Variants in PRPF3 observed in about 807,000 individuals in gnomAD.
The protein encoded by PRPF3 is U4/U6 small nuclear ribonucleoprotein Prp3.
Under a neutral mutation model 89.2 loss-of-function variants are expected in PRPF3, and 3 were observed. The observed-to-expected ratio is 0.03, with a 90% confidence interval of 0.02 to 0.09. The LOEUF (loss-of-function observed/expected upper bound fraction) is 0.09. Ranked by LOEUF, PRPF3 falls within the 10% of genes least tolerant of loss-of-function variation. The probability of loss-of-function intolerance (pLI) is 1.00; values close to 1 mark genes in which losing one functional copy is unlikely to be tolerated. For missense variants in PRPF3, 463 were observed against 828.8 expected, an observed-to-expected ratio of 0.56 and a Z score of 5.42; for synonymous variants, 270 against 289.1, an observed-to-expected ratio of 0.93 and a Z score of 0.67.
At chr1:150,338,426 A>C in intron 8 of PRPF3, 100 bp downstream of exon 8, 1 of 1,165,876 alleles carries the variant, frequency 8.6e-7, no homozygotes, top group Non-Finnish European at 1.3e-6. Flanking sequence ...TTTAGTGGGA[A>C]GGATGGTACT....
chr1:150,344,087 T>G, intron 10 of PRPF3, 75 bp from the exon 11 acceptor site: 1 of 1,237,800 alleles, frequency 8.1e-7, no homozygotes, highest in Non-Finnish European at 1.2e-6. Flanking sequence ...TATGAATTGG[T>G]ATGGAAGAAA....
intron 15 of PRPF3, among the ~76,000 whole-genome samples, chr1:150,349,888 C>T (rs1347818118): frequency 0.018 from 198 of 11,276 alleles, 1 homozygote; most frequent in African/African-American, 0.081. Context: ...TTTTTGGGGG[C>T]GGGGGGGCGG....
intron 1 of PRPF3, 129 bp from the exon 2 acceptor site, chr1:150,324,766 C>T (rs1655515254): frequency 9.9e-6 from 6 of 606,348 alleles, no homozygotes; most frequent in South Asian, 5.6e-5. Flanking sequence ...AGACTGGTCT[C>T]GAACTCTTGA....
chr1:150,322,876 C>CTTTT (rs113626826), intron 1 of PRPF3, among the ~76,000 whole-genome samples: 1 of 146,434 alleles, frequency 6.8e-6, no homozygotes, highest in African/African-American at 2.5e-5. Flanking sequence ...ATTTAGACAC[C>CTTTT]TTTTTTTTTT....
intron 4 of PRPF3, chr1:150,330,478 C>T (rs372671182): frequency 6.6e-6 from 1 of 152,500 alleles, no homozygotes; most frequent in African/African-American, 2.4e-5. Context: ...GCCTCAGCCT[C>T]CTGAGTAGCT....
At chr1:150,343,600 T>C in intron 10 of PRPF3, 148 bp downstream of exon 10, 1 of 1,141,176 alleles carries the variant, frequency 8.8e-7, no homozygotes, top group Non-Finnish European at 1.3e-6. Context: ...TCTACCATCT[T>C]TTCATATTAA....
upstream of PRPF3, chr1:150,321,504 C>A (rs1275471718): frequency 3.9e-5 from 6 of 152,726 alleles, no homozygotes; most frequent in African/African-American, 1.4e-4. Context: ...GCGGCGGTGG[C>A]GGTAGCGACG....
In PRPF3 at chr1:150,324,880, C is replaced by CTTTTTTT. The variant is rs75011188; in HGVS notation, c.-48-9_-48-3dup. ...TCTTTTCTTATTCTCTAACTTGTCT[C>CTTTTTTT]TTTTTTTTTTTTAGGTGTAGTATTG... On this transcript the variant is annotated splice_polypyrimidine_tract_variant and intron_variant, in intron 1 of 15. Coordinates refer to ENST00000324862, the MANE Select transcript of PRPF3 (RefSeq NM_004698.4). The CTTTTTTT allele has an allele frequency of 1.9e-5, 25 of 1,343,504 alleles. No individual in the cohort carries two copies. The highest frequency in any genetic ancestry group is 8.7e-5 in the Admixed American group (4 of 45,792). 83.2% of individuals were successfully genotyped at this position (1,343,504 alleles called of 1,614,324 possible). A position where few individuals can be genotyped will look rare whatever the true frequency, so the allele number is the denominator to read the frequency against.
At chr1:150,348,829 G>T (rs112381910) in intron 14 of PRPF3, 1 of 338,948 alleles carries the variant, frequency 3.0e-6, no homozygotes, top group African/African-American at 2.1e-5. Flanking sequence ...AGTAATATAT[G>T]ATGTTGACAT....
rs587768904 is a variant in PRPF3, at chr1:150,323,164, C to T, written c.-49+1572C>T. Among the ~76,000 whole-genome samples, 5 of 127,086 alleles carry T rather than the reference C, an allele frequency of 3.9e-5. No homozygotes were observed. In the East Asian group the frequency reaches 7.3e-4, roughly 19 times the overall value. 83.4% of individuals were successfully genotyped at this position (127,086 alleles called of 152,430 possible). A position where few individuals can be genotyped will look rare whatever the true frequency, so the allele number is the denominator to read the frequency against. ...TGTTGGGATTACAGGCGTGAGCCAC[C>T]GCACCTGGCTTTTTTTTTTTTTTTT... On this transcript the variant is annotated intron_variant, in intron 1 of 15. Transcript: ENST00000324862.
At chr1:150,348,266 G>C (rs1313393766) in intron 14 of PRPF3, among the ~76,000 whole-genome samples, 2 of 151,928 alleles carry the variant, frequency 1.3e-5, no homozygotes, top group South Asian at 2.1e-4. Flanking sequence ...TGTAATCCCA[G>C]CTACTCGGGA....
At chr1:150,347,365 A>G (rs587707528) in intron 14 of PRPF3, among the ~76,000 whole-genome samples, 2 of 152,178 alleles carry the variant, frequency 1.3e-5, no homozygotes, top group South Asian at 2.1e-4. Context: ...ATACTCACAC[A>G]TATGCTCTTC....
intron 8 of PRPF3, 84 bp from the exon 9 acceptor site, chr1:150,340,314 G>GTT: frequency 1.9e-6 from 2 of 1,027,890 alleles, no homozygotes; most frequent in Non-Finnish European, 3.0e-6. Flanking sequence ...TAGAGAGTGG[G>GTT]TTTTTTCATT....
chr1:150,328,259 A>G, intron 3 of PRPF3, 61 bp from the exon 4 acceptor site: 1 of 1,597,842 alleles, frequency 6.3e-7, no homozygotes, highest in Non-Finnish European at 8.6e-7. Context: ...GGGCTAGGAT[A>G]ATTCTTCCCT....
chr1:150,344,448 C>G lies in PRPF3; in HGVS notation c.1541C>G (p.Ala514Gly), dbSNP rs1414521808. 5.0e-6 allele frequency: 8 copies of G among 1,613,978 alleles called. No homozygotes were observed. The highest frequency in any genetic ancestry group is 5.9e-6 in the Non-Finnish European group (7 of 1,180,028). The change falls in exon 12 of 16, where the codon GCC (alanine) becomes GGC (glycine). Residue 514 changes from alanine to glycine, a missense_variant. Ala to Gly is a moderately conservative substitution (Grantham distance 60, BLOSUM62 0). This residue lies in a region of PRPF3 where 261 missense variants were observed against 475.8 expected (regional missense o/e 0.55). Coordinates refer to ENST00000324862, the MANE Select transcript of PRPF3 (RefSeq NM_004698.4). The stretch of plus-strand genomic sequence containing the variant: ...TGTCACGACAGAGCGCATGAAGAGG[C>G]CAACGCTGCCCGAAAACTCACAGCA... Reference protein sequence around the residue: ...MAKRQKAHEEANAARKLTAEQ... With the variant: ...MAKRQKAHEEGNAARKLTAEQ...
At position 150,352,949 on chromosome 1, in the gene PRPF3, G is replaced by C. The variant is rs782246457; in HGVS notation, c.2022G>C (p.Leu674=). The C allele has an allele frequency of 8.1e-6, 13 of 1,614,122 alleles. 1 individual carries two copies. Among genetic ancestry groups the C allele is most frequent in the East Asian group, 2.2e-5 (1 of 44,876 alleles). Residue 674 remains leucine, a synonymous_variant, in exon 16 of 16, where the codon CTG becomes CTC. Coordinates refer to ENST00000324862, the MANE Select transcript of PRPF3 (RefSeq NM_004698.4). ...CTGAACACTACTGGGACCTTGCGCT[G>C]AGTGAATCTGTGTTAGAGTCCACTG... ...HGAEHYWDLA[L]SESVLESTD is the part of the protein sequence containing the mutation.
intron 9 of PRPF3, among the ~76,000 whole-genome samples, chr1:150,341,954 T>C (rs1314177239): frequency 6.6e-6 from 1 of 151,642 alleles, no homozygotes; most frequent in East Asian, 2.0e-4. Context: ...TCTGCCCACC[T>C]AGGCTTCCCA....
rs1572171418 is a variant in PRPF3 at position 150,321,612 on chromosome 1, C to T, written c.-49+20C>T. 1 of 152,636 alleles carries T rather than the reference C, an allele frequency of 6.6e-6. No homozygotes were observed. The highest frequency in any genetic ancestry group is 2.1e-4 in the South Asian group (1 of 4,826). 9.5% of individuals were successfully genotyped at this position (152,636 alleles called of 1,614,324 possible). A position where few individuals can be genotyped will look rare whatever the true frequency, so the allele number is the denominator to read the frequency against. ...TGTGAGGTGAGTAGTGGCCCCGGGC[C>T]CACAGAGGGTAATTCCAGTCCGCGC... On this transcript the variant is annotated intron_variant, in intron 1 of 15. Coordinates refer to ENST00000324862, the MANE Select transcript of PRPF3 (RefSeq NM_004698.4).
At chr1:150,341,153 C>A (rs1657668534) in intron 9 of PRPF3, among the ~76,000 whole-genome samples, 1 of 144,094 alleles carries the variant, frequency 6.9e-6, no homozygotes, top group African/African-American at 2.6e-5. Context: ...GAAAAAAACC[C>A]AAAATTTCAT....
Sources: allele counts gnomAD v4.1 joint callset (sites outside exome capture counted in the v4.1 genomes callset), GRCh38; gene constraint gnomAD v4.1.1; regional missense constraint gnomAD v4.1.1; transcripts MANE v1.5; gene names NCBI Gene and HGNC (gene_info 2026-07-23, HGNC 2026-07-21).